The following AKAP8L variants were observed in gnomAD, a reference collection of about 807,000 sequenced individuals.
AKAP8L encodes A-kinase anchoring protein 8 like, also known as A-kinase anchor protein 8-like.
A neutral mutation model predicts 77.5 loss-of-function variants in AKAP8L; 34 were observed. The observed-to-expected ratio is 0.44, with a 90% CI of 0.33 to 0.58. AKAP8L has a LOEUF of 0.58. Among genes scored for constraint, AKAP8L ranks in the 20% least tolerant of loss-of-function variants. The pLI is 0.02. For synonymous variants in AKAP8L, 342 were observed against 340.7 expected, an observed-to-expected ratio of 1.00 and a Z score of -0.04; for missense variants, 806 against 887.6, an observed-to-expected ratio of 0.91 and a Z score of 1.17.
chr19:15,391,867 T>C (rs933573518), intron 12 of AKAP8L, among the ~76,000 whole-genome samples: 2 of 151,892 alleles, frequency 1.3e-5, no homozygotes, highest in African/African-American at 4.8e-5. Context: ...GACAGGGTCT[T>C]GCTCTGTCAC....
chr19:15,411,195 A>C (rs1211621621), intron 1 of AKAP8L, among the ~76,000 whole-genome samples: 1 of 152,222 alleles, frequency 6.6e-6, no homozygotes, highest in Non-Finnish European at 1.5e-5. Flanking sequence ...TTAAATGAGG[A>C]AACTATTCAA....
Position 15,397,224 on chromosome 19 carries a change from C to T in AKAP8L, c.1462G>A (p.Asp488Asn), listed in dbSNP as rs576284598. The change falls in exon 12 of 14, where the codon GAC (aspartate) becomes AAC (asparagine). Residue 488 changes from aspartate (D) to asparagine (N), a missense_variant. Asp to Asn is a conservative substitution (Grantham distance 23). Coordinates refer to ENST00000397410, the MANE Select transcript of AKAP8L (RefSeq NM_014371.4). This position sits in a 1 kb window ranked among gnomAD's most constrained non-coding sequence, Gnocchi z 4.7. ...CCAAACTGCATGGGAATGAAGAGGT[C>T]GCAGGCTGCACAATGGGCTGCCTCC... ...KVEAAHCAACDLFIPMQFGII... is the reference protein window; with the variant it reads ...KVEAAHCAACNLFIPMQFGII... The T allele has an allele frequency of 3.1e-6, 5 of 1,613,858 alleles. No individual in the cohort carries two copies. The highest frequency in any genetic ancestry group is 3.4e-6 in the Non-Finnish European group (4 of 1,179,906).
At chr19:15,394,159 G>A (rs1259795371) in intron 12 of AKAP8L, among the ~76,000 whole-genome samples, 2 of 152,090 alleles carry the variant, frequency 1.3e-5, no homozygotes, top group Non-Finnish European at 2.9e-5. Flanking sequence ...GCCAAAAGGT[G>A]AAAACAACCC....
intron 1 of AKAP8L, among the ~76,000 whole-genome samples, chr19:15,414,710 G>A (rs570894024): frequency 1.3e-5 from 2 of 151,374 alleles, no homozygotes; most frequent in Non-Finnish European, 3.0e-5. Context: ...GGATGGTCTC[G>A]ATCTCCTGAC....
chr19:15,400,111 G>T, intron 8 of AKAP8L, 184 bp downstream of exon 8: 1 of 629,676 alleles, frequency 1.6e-6, no homozygotes, highest in Non-Finnish European at 2.8e-6. Flanking sequence ...CTGGGAAGGA[G>T]GAGGAAGAGT....
chr19:15,401,516 G>T lies in AKAP8L; in HGVS notation c.450C>A (p.Asp150Glu), dbSNP rs376744563. The T allele has an allele frequency of 6.2e-7, 1 of 1,613,840 alleles. No individual in the cohort carries two copies. Among genetic ancestry groups the T allele is most frequent in the Non-Finnish European group, 8.5e-7 (1 of 1,179,878 alleles). Residue 150 changes from aspartate (D) to glutamate (E), a missense_variant, in exon 5 of 14, where the codon GAC becomes GAA. Asp to Glu is a conservative substitution (Grantham distance 45, BLOSUM62 2). This residue lies in a region of AKAP8L where 580 missense variants were observed against 694.1 expected (regional missense o/e 0.84). Coordinates refer to ENST00000397410, the MANE Select transcript of AKAP8L (RefSeq NM_014371.4). The surrounding 1 kb of genome is among the most constrained non-coding windows in gnomAD (Gnocchi z 6.2). ...CCTCATAGGCCATTTCCATCTCAGG[G>T]TCAAGCTCGCTGTAGTCATAGCCTG... is the stretch of plus-strand genomic sequence containing the variant. ...YRSGYDYSELDPEMEMAYEGQ... is the reference protein window; with the variant it reads ...YRSGYDYSELEPEMEMAYEGQ...
rs550698662 is a variant in AKAP8L, at chr19:15,403,797, C to A, written c.122-82G>T. The A allele has an allele frequency of 8.2e-7, 1 of 1,216,524 alleles. No individual in the cohort carries two copies. Among genetic ancestry groups the A allele is most frequent in the Non-Finnish European group, 1.2e-6 (1 of 844,980 alleles). The allele number at this position is 1,216,524 out of a possible 1,614,324, so 75.4% of individuals were successfully genotyped here. A position where few individuals can be genotyped will look rare whatever the true frequency, so the allele number is the denominator to read the frequency against. ...ACAGAGACAGAGACAAACACAGATA[C>A]AAGGGTATCTTCTGTCACAGAGAGA... On this transcript the variant is annotated intron_variant, in intron 3 of 13. Coordinates refer to ENST00000397410, the MANE Select transcript of AKAP8L (RefSeq NM_014371.4). This position sits in a 1 kb window ranked among gnomAD's most constrained non-coding sequence, Gnocchi z 4.3.
intron 12 of AKAP8L, among the ~76,000 whole-genome samples, chr19:15,386,323 G>C (rs1967536847): frequency 6.6e-6 from 1 of 152,136 alleles, no homozygotes; most frequent in South Asian, 2.1e-4. Flanking sequence ...TAAATATTGA[G>C]AGGACAGACT....
At chr19:15,404,779 G>A (rs1381491259) in intron 2 of AKAP8L, among the ~76,000 whole-genome samples, 1 of 152,170 alleles carries the variant, frequency 6.6e-6, no homozygotes, top group South Asian at 2.1e-4. Flanking sequence ...CCCAGGGCAG[G>A]GGACCGAAGC....
rs1041427583 is a variant in AKAP8L, at chr19:15,380,388, G to GCTCCTT, written c.1669_1674dup (p.Lys557_Glu558dup). 2.5e-6 allele frequency: 4 copies of GCTCCTT among 1,583,804 alleles called. No individual in the cohort carries two copies. In the Admixed American group the frequency reaches 7.1e-5, roughly 28 times the overall value. ...AGGGCACCGCCCTCAGCCTCCTCCT[G>GCTCCTT]CTCCTTCTCCTCCTCGGGGCTGTCG... On this transcript the variant is annotated inframe_insertion, in exon 14 of 14. Coordinates refer to ENST00000397410, the MANE Select transcript of AKAP8L (RefSeq NM_014371.4).
intron 12 of AKAP8L, among the ~76,000 whole-genome samples, chr19:15,396,168 C>G (rs1447189393): frequency 6.6e-6 from 1 of 151,934 alleles, no homozygotes; most frequent in South Asian, 2.1e-4. Context: ...CGAAAAAGAC[C>G]AGAGAGGAAT....
At chr19:15,408,139 CAA>C (rs1968036124) in intron 2 of AKAP8L, among the ~76,000 whole-genome samples, 1 of 151,112 alleles carries the variant, frequency 6.6e-6, no homozygotes, top group Admixed American at 6.6e-5. Flanking sequence ...ACTAAAAATA[CAA>C]AAAGACCGTG....
At position 15,380,198 on chromosome 19, in the gene AKAP8L, G is replaced by A. The variant is rs1967369593; in HGVS notation, c.1865C>T (p.Ala622Val). 6.6e-7 allele frequency: 1 copy of A among 1,506,546 alleles called. No individual in the cohort carries two copies. Among genetic ancestry groups the A allele is most frequent in the Non-Finnish European group, 8.8e-7 (1 of 1,136,212 alleles). 93.3% of individuals were successfully genotyped at this position (1,506,546 alleles called of 1,614,324 possible). The change falls in exon 14 of 14, where the codon GCG becomes GTG. Residue 622 changes from alanine to valine, a missense_variant. Physicochemically the swap from Ala to Val is moderately conservative, Grantham distance 64 (BLOSUM62 0). Around this residue, in one of 2 missense-constraint regions of AKAP8L, gnomAD observed 226 missense variants for 193.5 expected, o/e 1.17. Transcript: ENST00000397410. ...EEGAVPLLGGALQRQIRGIPG... is the reference protein window; with the variant it reads ...EEGAVPLLGGVLQRQIRGIPG... Reference sequence around the variant, plus strand: ...GATGCCGCGGATCTGGCGTTGCAGCGCCCCTCCCAGCAAGGGCACGGCGCC... The same window carrying A: ...GATGCCGCGGATCTGGCGTTGCAGCACCCCTCCCAGCAAGGGCACGGCGCC...
In AKAP8L at chr19:15,418,590, T is replaced by C. The variant is rs142434990; in HGVS notation, c.13+321A>G. Among the ~76,000 whole-genome samples the C allele has an allele frequency of 2.2e-3, 329 of 152,200 alleles. 1 individual carries two copies. The highest frequency in any genetic ancestry group is 7.4e-3 in the African/African-American group (309 of 41,524). On this transcript the variant is annotated intron_variant, in intron 1 of 13. Transcript: ENST00000397410. ...GCCTGAGAAAGGGAAACCTAAGGCG[T>C]CGAGGTCCAGGAGCGCAGGCCAGGG... is the stretch of plus-strand genomic sequence containing the variant.
intron 12 of AKAP8L, among the ~76,000 whole-genome samples, chr19:15,387,469 T>C (rs546119338): frequency 1.3e-5 from 2 of 152,102 alleles, no homozygotes; most frequent in South Asian, 4.2e-4. Context: ...TGAATATTTA[T>C]TGGAGTTAAA....
intron 12 of AKAP8L, chr19:15,383,252 C>T (rs1022263172): frequency 6.6e-6 from 1 of 152,232 alleles, no homozygotes; most frequent in Non-Finnish European, 1.5e-5. Flanking sequence ...CTCTGTTGCC[C>T]AGGCTGCACT....
intron 12 of AKAP8L, among the ~76,000 whole-genome samples, chr19:15,390,494 T>C (rs1443310889): frequency 2.0e-5 from 3 of 151,518 alleles, no homozygotes; most frequent in East Asian, 1.9e-4. Context: ...TACGAAGCAC[T>C]TGAAGAATTA....
At chr19:15,391,317 G>A (rs1033306687) in intron 12 of AKAP8L, among the ~76,000 whole-genome samples, 13 of 150,962 alleles carry the variant, frequency 8.6e-5, no homozygotes, top group African/African-American at 2.7e-4. Flanking sequence ...AATTAGCTGC[G>A]CGTGGTGGCG....
Position 15,399,170 on chromosome 19 carries a change from C to T in AKAP8L, c.1157+132G>A. The T allele has an allele frequency of 2.6e-6, 2 of 770,106 alleles. No homozygotes were observed. Among genetic ancestry groups the T allele is most frequent in the Non-Finnish European group, 4.3e-6 (2 of 461,176 alleles). The allele number at this position is 770,106 out of a possible 1,614,324, so 47.7% of individuals were successfully genotyped here. ...GCTGGGCCTGGCGGGAAGCAGGGTCCATGCACGGCCGAGCAGGTGGCGGCT... is the reference window on the plus strand; with the variant it reads ...GCTGGGCCTGGCGGGAAGCAGGGTCTATGCACGGCCGAGCAGGTGGCGGCT... On this transcript the variant is annotated intron_variant, in intron 9 of 13. Coordinates refer to ENST00000397410, the MANE Select transcript of AKAP8L (RefSeq NM_014371.4). This position sits in a 1 kb window ranked among gnomAD's most constrained non-coding sequence, Gnocchi z 6.1.
Sources: gnomAD v4.1 joint callset for allele counts (sites outside exome capture counted in the v4.1 genomes callset) on GRCh38, gnomAD v4.1.1 for gene constraint, gnomAD v4.1.1 regional missense constraint, Gnocchi (gnomAD v3.1) non-coding constraint, MANE v1.5 for transcripts, NCBI Gene and HGNC (gene_info 2026-07-23, HGNC 2026-07-21) for gene names.